The following SCHIP1 variants were observed in gnomAD, a reference collection of about 807,000 sequenced individuals.
SCHIP1 encodes schwannomin-interacting protein 1.
A neutral mutation model predicts 29.7 loss-of-function variants in SCHIP1; 8 were observed. That is an observed-to-expected ratio of 0.27 (90% CI 0.16 to 0.49). SCHIP1 has a LOEUF of 0.49. Among genes scored for constraint, SCHIP1 ranks in the 20% least tolerant of loss-of-function variants. SCHIP1 has a pLI of 0.99. For synonymous variants in SCHIP1, 76 were observed against 94.9 expected, an observed-to-expected ratio of 0.80 and a Z score of 1.16; for missense variants, 193 against 294.6, an observed-to-expected ratio of 0.66 and a Z score of 2.52.
At chr3:159,764,940 G>A in the SCHIP1 span, 3 of 1,494,396 alleles carry the variant, frequency 2.0e-6, no homozygotes, top group South Asian at 2.6e-5. The surrounding 1 kb of genome is among the most constrained non-coding windows in gnomAD (Gnocchi z 6.1). Flanking sequence ...AGCCCCAGCC[G>A]GCTGGGGGCC....
At chr3:159,630,141 T>A in the SCHIP1 span, among the ~76,000 whole-genome samples, 1 of 152,150 alleles carries the variant, frequency 6.6e-6, no homozygotes, top group East Asian at 1.9e-4. Flanking sequence ...TACTAAAATA[T>A]GAGATGCACA....
the SCHIP1 span, among the ~76,000 whole-genome samples, chr3:159,424,313 A>G: frequency 1.3e-5 from 2 of 152,148 alleles, no homozygotes; most frequent in Non-Finnish European, 2.9e-5. Flanking sequence ...AAGAATGTAT[A>G]ACTAGAATAA....
chr3:159,608,417 T>A, the SCHIP1 span, among the ~76,000 whole-genome samples: 2 of 152,178 alleles, frequency 1.3e-5, no homozygotes. Context: ...GGCCACAAAC[T>A]ATTACAATTT....
chr3:159,877,555 C>A (rs1715956310), intron 2 of SCHIP1, among the ~76,000 whole-genome samples: 1 of 152,024 alleles, frequency 6.6e-6, no homozygotes, highest in Admixed American at 6.5e-5. Flanking sequence ...TAAACATGAA[C>A]ATAAAAAGTG....
chr3:159,868,005 T>TATATATATATATAAATCAATGATTTAC, intron 2 of SCHIP1, among the ~76,000 whole-genome samples: 1 of 148,292 alleles, frequency 6.7e-6, no homozygotes, highest in Non-Finnish European at 1.5e-5. Flanking sequence ...CAATGATTTA[T>TATATATATATATAAATCAATGATTTAC]ATATATATAA....
chr3:159,382,115 A>G, the SCHIP1 span, among the ~76,000 whole-genome samples: 1 of 147,796 alleles, frequency 6.8e-6, no homozygotes, highest in East Asian at 2.0e-4. Context: ...AGTTCATTTT[A>G]TTATTACTAT....
At chr3:159,892,214 A>G in intron 6 of SCHIP1, 24 bp downstream of exon 7, 8 of 1,613,718 alleles carry the variant, frequency 5.0e-6, no homozygotes, top group Non-Finnish European at 5.9e-6. Flanking sequence ...CACTCTTGCC[A>G]AAGAAGAAAA....
At chr3:159,385,506 G>A in the SCHIP1 span, among the ~76,000 whole-genome samples, 3 of 147,606 alleles carry the variant, frequency 2.0e-5, no homozygotes, top group African/African-American at 7.5e-5. Context: ...GCAGCAAGCC[G>A]AGATCACACT....
the SCHIP1 span, among the ~76,000 whole-genome samples, chr3:159,723,769 C>G: frequency 3.3e-5 from 5 of 152,150 alleles, no homozygotes; most frequent in African/African-American, 4.8e-5. Flanking sequence ...CCAAATCAAT[C>G]AAGAATTTTT....
chr3:159,728,466 T>C, the SCHIP1 span, among the ~76,000 whole-genome samples: 1 of 152,226 alleles, frequency 6.6e-6, no homozygotes, highest in Non-Finnish European at 1.5e-5. Flanking sequence ...CTTCCAGTAA[T>C]GTCTTGTTAA....
the SCHIP1 span, among the ~76,000 whole-genome samples, chr3:159,600,412 GGTT>G: frequency 6.6e-6 from 1 of 152,026 alleles, no homozygotes. Flanking sequence ...TGTCCAGATG[GGTT>G]GTTTTCAAAA....
At chr3:159,437,562 C>T in the SCHIP1 span, among the ~76,000 whole-genome samples, 2 of 151,938 alleles carry the variant, frequency 1.3e-5, no homozygotes, top group Non-Finnish European at 2.9e-5. Context: ...TGGCCCATGA[C>T]AGATAGTCAG....
the SCHIP1 span, among the ~76,000 whole-genome samples, chr3:159,365,647 G>C: frequency 6.6e-6 from 1 of 152,156 alleles, no homozygotes; most frequent in Admixed American, 6.6e-5. Context: ...CCCTGATCTA[G>C]AGTCGTCCCC....
chr3:159,506,681 A>G, the SCHIP1 span, among the ~76,000 whole-genome samples: 4 of 152,224 alleles, frequency 2.6e-5, no homozygotes, highest in African/African-American at 9.6e-5. Flanking sequence ...AGCTTTCTAC[A>G]TATGGCTAGC....
chr3:159,880,111 G>A (rs1716285433), intron 2 of SCHIP1, among the ~76,000 whole-genome samples: 1 of 152,180 alleles, frequency 6.6e-6, no homozygotes, highest in African/African-American at 2.4e-5. Context: ...CTTCTGCTGA[G>A]GAAGCCGAAC....
chr3:159,777,802 A>G, the SCHIP1 span, among the ~76,000 whole-genome samples: 1 of 152,180 alleles, frequency 6.6e-6, no homozygotes, highest in African/African-American at 2.4e-5. Flanking sequence ...TTGCTCAGTC[A>G]TATTGAGACT....
chr3:159,781,722 TCAA>T, the SCHIP1 span, among the ~76,000 whole-genome samples: 1 of 152,078 alleles, frequency 6.6e-6, no homozygotes, highest in Admixed American at 6.5e-5. Flanking sequence ...AGAAATCACA[TCAA>T]CACACATGGG....
At chr3:159,295,483 A>T in the SCHIP1 span, among the ~76,000 whole-genome samples, 4 of 152,106 alleles carry the variant, frequency 2.6e-5, no homozygotes, top group Non-Finnish European at 5.9e-5. Context: ...CCATCTTAAA[A>T]TATTATTCTC....
the SCHIP1 span, among the ~76,000 whole-genome samples, chr3:159,506,916 G>GT: frequency 6.6e-6 from 1 of 152,076 alleles, no homozygotes; most frequent in Non-Finnish European, 1.5e-5. Flanking sequence ...CCCCAGCTTT[G>GT]TTTTTTGGCT....
Sources: gnomAD v4.1 joint callset for allele counts (sites outside exome capture counted in the v4.1 genomes callset) on GRCh38, gnomAD v4.1.1 for gene constraint, Gnocchi (gnomAD v3.1) non-coding constraint, MANE v1.5 for transcripts, NCBI Gene and HGNC (gene_info 2026-07-23, HGNC 2026-07-21) for gene names.